The following FBRSL1 variants were observed in gnomAD, a reference collection of about 807,000 sequenced individuals.
The protein encoded by FBRSL1 is fibrosin-1-like protein.
A neutral mutation model predicts 89.6 loss-of-function variants in FBRSL1; 51 were observed. That is an observed-to-expected ratio of 0.57 (90% CI 0.45 to 0.72). The LOEUF (loss-of-function observed/expected upper bound fraction) is 0.72. FBRSL1 is among the 30% of genes least tolerant of loss of function. The probability of loss-of-function intolerance (pLI) is 0.00; values close to 1 mark genes in which losing one functional copy is unlikely to be tolerated. For missense variants in FBRSL1, 1,618 were observed against 1,451.8 expected, an observed-to-expected ratio of 1.11 and a Z score of -1.86; for synonymous variants, 779 against 681.1, an observed-to-expected ratio of 1.14 and a Z score of -2.24.
intron 2 of FBRSL1, among the ~76,000 whole-genome samples, chr12:132,512,601 C>T (rs930350726): frequency 6.6e-6 from 1 of 152,234 alleles, no homozygotes; most frequent in Admixed American, 6.5e-5. Context: ...GTCTCCTGCC[C>T]TCTTTCCACT....
At chr12:132,574,244 G>A in intron 12 of FBRSL1, 75 bp from the exon 13 acceptor site, 1 of 1,454,736 alleles carries the variant, frequency 6.9e-7, no homozygotes, top group African/African-American at 1.4e-5. Flanking sequence ...ACAGCAGACG[G>A]GCTGTGTCCC....
intron 1 of FBRSL1, among the ~76,000 whole-genome samples, chr12:132,491,666 G>C (rs1213647200): frequency 1.3e-5 from 2 of 152,230 alleles, no homozygotes; most frequent in Non-Finnish European, 2.9e-5. Context: ...CCAGGGGCTT[G>C]GGAGCCCATG....
At chr12:132,531,469 C>A (rs1057036286) in intron 4 of FBRSL1, among the ~76,000 whole-genome samples, 1 of 152,038 alleles carries the variant, frequency 6.6e-6, no homozygotes, top group East Asian at 1.9e-4. Flanking sequence ...GTCCGTGGTA[C>A]CCCCGTGTGG....
intron 2 of FBRSL1, among the ~76,000 whole-genome samples, chr12:132,523,406 G>A (rs1476329064): frequency 1.3e-5 from 2 of 152,164 alleles, no homozygotes; most frequent in Non-Finnish European, 2.9e-5. Flanking sequence ...CAGGGCCTCC[G>A]GGTTTGGGAG....
intron 2 of FBRSL1, among the ~76,000 whole-genome samples, chr12:132,512,680 T>A (rs575381479): frequency 5.2e-4 from 79 of 152,322 alleles, no homozygotes; most frequent in Non-Finnish European, 1.0e-3. Flanking sequence ...GAGCCATGTC[T>A]GGGGCAGGCC....
intron 5 of FBRSL1, among the ~76,000 whole-genome samples, chr12:132,549,099 G>A (rs542260239): frequency 1.3e-5 from 2 of 152,298 alleles, no homozygotes; most frequent in African/African-American, 4.8e-5. Flanking sequence ...GAGGGTCTGG[G>A]CGGTTCAGTT....
At chr12:132,501,609 G>A (rs781146082) in intron 1 of FBRSL1, among the ~76,000 whole-genome samples, 9 of 152,172 alleles carry the variant, frequency 5.9e-5, no homozygotes, top group Admixed American at 3.9e-4. Flanking sequence ...CCTGCCTTCC[G>A]CTCGGGGCCC....
intron 1 of FBRSL1, among the ~76,000 whole-genome samples, chr12:132,498,143 C>T (rs1256519096): frequency 2.0e-5 from 3 of 152,232 alleles, no homozygotes; most frequent in African/African-American, 7.2e-5. Context: ...AGGTGGCTGG[C>T]AGGGAAAGCC....
chr12:132,573,578 G>A (rs1019436106), intron 11 of FBRSL1, among the ~76,000 whole-genome samples: 15 of 152,326 alleles, frequency 9.8e-5, no homozygotes, highest in African/African-American at 3.1e-4. Context: ...GGGAGGGAAG[G>A]AATCTGTCCC....
intron 4 of FBRSL1, among the ~76,000 whole-genome samples, chr12:132,531,958 A>C (rs1798401736): frequency 6.6e-6 from 1 of 152,218 alleles, no homozygotes; most frequent in African/African-American, 2.4e-5. Flanking sequence ...AGCCACCGTC[A>C]GTGCTGTAAG....
At chr12:132,535,711 G>A (rs889199131) in intron 4 of FBRSL1, among the ~76,000 whole-genome samples, 2 of 152,280 alleles carry the variant, frequency 1.3e-5, no homozygotes, top group Non-Finnish European at 2.9e-5. Context: ...GACCCAGAGG[G>A]GAGGCTCGCA....
intron 5 of FBRSL1, among the ~76,000 whole-genome samples, chr12:132,559,600 C>G (rs906898006): frequency 2.0e-5 from 3 of 152,044 alleles, no homozygotes; most frequent in Admixed American, 6.5e-5. Flanking sequence ...GGGGGTCTTC[C>G]TATGTTGGCC....
rs1279038478 is a variant in FBRSL1 at position 132,558,940 on chromosome 12, C to CGACT, written c.646-8539_646-8536dup. Among the ~76,000 whole-genome samples, 5 of 152,250 alleles carry CGACT rather than the reference C, an allele frequency of 3.3e-5. No individual in the cohort carries two copies. The East Asian group carries it at 9.6e-4, about 29-fold the overall frequency. On this transcript the variant is annotated intron_variant, in intron 5 of 18. Coordinates refer to ENST00000680143, the MANE Select transcript of FBRSL1 (RefSeq NM_001367871.1). ...AGAGGACCCGTCCTTAAACACTTCCCGACTGCCGGGTCCAGAGCTGCGCCC... is the reference window on the plus strand; with the variant it reads ...AGAGGACCCGTCCTTAAACACTTCCCGACTGACTGCCGGGTCCAGAGCTGCGCCC...
At chr12:132,507,327 C>T (rs1418105428) in intron 1 of FBRSL1, 20 of 985,376 alleles carry the variant, frequency 2.0e-5, no homozygotes, top group Non-Finnish European at 2.0e-5. Flanking sequence ...GGACCCTAAA[C>T]TTGACGCGCC....
intron 8 of FBRSL1, 107 bp downstream of exon 8, chr12:132,570,647 G>A: frequency 2.9e-6 from 3 of 1,018,854 alleles, no homozygotes; most frequent in Non-Finnish European, 2.7e-6. Flanking sequence ...TGTGGTCTCT[G>A]CGGACCCTGC....
At position 132,570,455 on chromosome 12, in the gene FBRSL1, C is replaced by A; in HGVS notation, c.1128C>A (p.His376Gln). Residue 376 changes from histidine (H) to glutamine (Q), a missense_variant, in exon 8 of 19, where the codon CAC becomes CAA. By Grantham distance (24) the His-to-Gln change is conservative. Transcript: ENST00000680143. Reference sequence around the variant, plus strand: ...GGTCCCAGGCGCAGCACCAGCTCCACGCGGCCATGTTTGCCGCACCCCCGA... The same window carrying A: ...GGTCCCAGGCGCAGCACCAGCTCCAAGCGGCCATGTTTGCCGCACCCCCGA... ...ALRSQAQHQL[H>Q]AAMFAAPPTL... 1 of 1,533,966 alleles carries A rather than the reference C, an allele frequency of 6.5e-7. No individual in the cohort carries two copies. The highest frequency in any genetic ancestry group is 2.5e-5 in the East Asian group (1 of 40,758).
chr12:132,523,946 C>A (rs1051820428), intron 2 of FBRSL1, among the ~76,000 whole-genome samples: 3 of 152,186 alleles, frequency 2.0e-5, no homozygotes, highest in Admixed American at 6.5e-5. Flanking sequence ...CAGCTGGGAC[C>A]GTGGTGCCAG....
intron 2 of FBRSL1, chr12:132,510,659 C>G: frequency 8.1e-7 from 1 of 1,229,672 alleles, no homozygotes; most frequent in Non-Finnish European, 1.0e-6. Context: ...CACGATCAGG[C>G]TGAGGCTCAC....
At chr12:132,556,296 A>T (rs2038631399) in intron 5 of FBRSL1, among the ~76,000 whole-genome samples, 1 of 152,128 alleles carries the variant, frequency 6.6e-6, no homozygotes, top group Non-Finnish European at 1.5e-5. Context: ...CCTTGCTCAG[A>T]GAGTGCACAC....
Sources: allele counts gnomAD v4.1 joint callset (sites outside exome capture counted in the v4.1 genomes callset), GRCh38; gene constraint gnomAD v4.1.1; transcripts MANE v1.5; gene names NCBI Gene and HGNC (gene_info 2026-07-23, HGNC 2026-07-21).